PRDM16: variants seen among roughly 807,000 people sequenced by gnomAD.
The protein encoded by PRDM16 is histone-lysine N-methyltransferase PRDM16.
In PRDM16, 23 loss-of-function variants were observed where a neutral mutation model predicts 110.6. The observed-to-expected ratio is 0.21, with a 90% CI of 0.15 to 0.29. The LOEUF (loss-of-function observed/expected upper bound fraction) is 0.29. Among genes scored for constraint, PRDM16 ranks in the 10% least tolerant of loss-of-function variants. The pLI is 1.00. For missense variants in PRDM16, 1,615 were observed against 1,794.3 expected (o/e 0.90, Z 1.81); for synonymous variants, 799 against 781.8 (o/e 1.02, Z -0.37).
intron 3 of PRDM16, among the ~76,000 whole-genome samples, chr1:3,300,169 C>A (rs58289593): frequency 0.045 from 4,340 of 97,342 alleles, 467 homozygotes; most frequent in African/African-American, 0.13. Flanking sequence ...GTTTCAGATC[C>A]CAGTCGTGGT....
At chr1:3,355,824 C>T (rs1034805174) in intron 3 of PRDM16, among the ~76,000 whole-genome samples, 1 of 152,198 alleles carries the variant, frequency 6.6e-6, no homozygotes, top group Non-Finnish European at 1.5e-5. Flanking sequence ...GCTGCTGGCT[C>T]AGAGGCCAGT....
Position 3,209,046 on chromosome 1 carries a change from G to A in PRDM16, c.387+22572G>A, listed in dbSNP as rs1470818613. 1.3e-5 allele frequency among the ~76,000 whole-genome samples: 2 copies of A among 152,316 alleles called. No homozygotes were observed. The highest frequency in any genetic ancestry group is 4.8e-5 in the African/African-American group (2 of 41,574). On this transcript the variant is annotated intron_variant, in intron 2 of 16. Coordinates refer to ENST00000270722, the MANE Select transcript of PRDM16 (RefSeq NM_022114.4). This position sits in a 1 kb window ranked among gnomAD's most constrained non-coding sequence, Gnocchi z 4.6. ...GACTTAACTCTCAAGGGTATTTAGG[G>A]ACAGAGAGCAGTGGGAATTCAGAAG... is the stretch of plus-strand genomic sequence containing the variant.
intron 1 of PRDM16, chr1:3,133,333 G>A (rs903656761): frequency 1.3e-5 from 2 of 152,316 alleles, no homozygotes; most frequent in Admixed American, 6.5e-5. Flanking sequence ...GAGGCACCTC[G>A]GGGCTGTGGG....
At chr1:3,273,769 G>T (rs1165294014) in intron 3 of PRDM16, among the ~76,000 whole-genome samples, 2 of 151,260 alleles carry the variant, frequency 1.3e-5, no homozygotes, top group East Asian at 2.0e-4. Context: ...ATATATAAGG[G>T]TATATGCCTT....
At chr1:3,158,480 A>G (rs1362256391) in intron 1 of PRDM16, among the ~76,000 whole-genome samples, 1 of 152,202 alleles carries the variant, frequency 6.6e-6, no homozygotes, top group Non-Finnish European at 1.5e-5. Flanking sequence ...TCTCGCCTAT[A>G]CCTAAGTCAC....
chr1:3,431,605 G>A (rs1638770489), intron 15 of PRDM16, among the ~76,000 whole-genome samples: 1 of 151,822 alleles, frequency 6.6e-6, no homozygotes, highest in Non-Finnish European at 1.5e-5. Flanking sequence ...TTCCTCTCCA[G>A]CCTGGATGCT....
intron 8 of PRDM16, among the ~76,000 whole-genome samples, chr1:3,406,835 C>T (rs1450202032): frequency 6.6e-6 from 1 of 152,224 alleles, no homozygotes; most frequent in Admixed American, 6.5e-5. Flanking sequence ...CCCTGATTCT[C>T]AGTGAAGTCA....
chr1:3,272,056 T>C (rs973377291), intron 3 of PRDM16, among the ~76,000 whole-genome samples: 6 of 152,174 alleles, frequency 3.9e-5, no homozygotes, highest in Non-Finnish European at 5.9e-5. Flanking sequence ...CCCACATGGG[T>C]GTCAGGAGGA....
Position 3,244,418 on chromosome 1 carries a change from C to T in PRDM16, c.438+281C>T, listed in dbSNP as rs2100914052. On this transcript the variant is annotated intron_variant, in intron 3 of 16. Coordinates refer to ENST00000270722, the MANE Select transcript of PRDM16 (RefSeq NM_022114.4). The surrounding 1 kb of genome is among the most constrained non-coding windows in gnomAD (Gnocchi z 4.1). ...CCGAGAGTGGAGGAGAGCCCTGTAC[C>T]TGTGGGAAAGCTTCAGGCCACGCAG... is the stretch of plus-strand genomic sequence containing the variant. Among the ~76,000 whole-genome samples, 1 of 152,204 alleles carries T rather than the reference C, an allele frequency of 6.6e-6. No individual in the cohort carries two copies. The highest frequency in any genetic ancestry group is 6.5e-5 in the Admixed American group (1 of 15,302).
At chr1:3,230,298 G>T (rs1005176922) in intron 2 of PRDM16, among the ~76,000 whole-genome samples, 1 of 152,194 alleles carries the variant, frequency 6.6e-6, no homozygotes. Context: ...TAGGTCTCAC[G>T]GAGGCCTTTC....
intron 3 of PRDM16, among the ~76,000 whole-genome samples, chr1:3,286,017 C>T (rs541440321): frequency 6.6e-6 from 1 of 152,322 alleles, no homozygotes; most frequent in South Asian, 2.1e-4. Context: ...TGTGCTGAAC[C>T]TTCACCCCCA....
intron 3 of PRDM16, among the ~76,000 whole-genome samples, chr1:3,321,749 C>T (rs1230320713): frequency 6.8e-6 from 1 of 147,740 alleles, no homozygotes; most frequent in Non-Finnish European, 1.5e-5. Flanking sequence ...GTGCGGTGTG[C>T]ACAATGTGTG....
intron 1 of PRDM16, among the ~76,000 whole-genome samples, chr1:3,184,293 C>G (rs998647500): frequency 1.3e-5 from 2 of 152,174 alleles, no homozygotes; most frequent in Non-Finnish European, 2.9e-5. Context: ...TTGTGCTGAT[C>G]TGTTTGCAAC....
intron 2 of PRDM16, among the ~76,000 whole-genome samples, chr1:3,237,511 T>C (rs1385930239): frequency 2.0e-5 from 3 of 152,194 alleles, no homozygotes; most frequent in East Asian, 1.9e-4. Flanking sequence ...GACTAAATAC[T>C]GTTTCCGTAT....
chr1:3,236,957 G>A (rs1639553242), intron 2 of PRDM16, among the ~76,000 whole-genome samples: 1 of 152,194 alleles, frequency 6.6e-6, no homozygotes, highest in South Asian at 2.1e-4. Context: ...CTCTGTGTGA[G>A]GAGAGCTAGA....
chr1:3,106,493 C>T (rs1179768298), intron 1 of PRDM16, among the ~76,000 whole-genome samples: 3 of 152,142 alleles, frequency 2.0e-5, no homozygotes, highest in African/African-American at 7.2e-5. Flanking sequence ...TCACACACAG[C>T]GGGTACCTGA....
chr1:3,173,700 G>T (rs984624569), intron 1 of PRDM16, among the ~76,000 whole-genome samples: 22 of 152,252 alleles, frequency 1.4e-4, no homozygotes, highest in African/African-American at 5.1e-4. Context: ...CCTTGGCAGC[G>T]GATGTGCTTC....
In PRDM16 at chr1:3,331,326, A is replaced by T. The variant is rs376903095; in HGVS notation, c.439-53826A>T. ...CCCGGCACACTTGGAGGTGGGGGGC[A>T]TTCCTAGCAACCCCCTTCATCCCCG... On this transcript the variant is annotated intron_variant, in intron 3 of 16. Transcript: ENST00000270722. Among the ~76,000 whole-genome samples, 45 of 152,076 alleles carry T rather than the reference A, an allele frequency of 3.0e-4. 1 individual carries two copies. The South Asian group carries it at 4.2e-3, about 14-fold the overall frequency.
intron 1 of PRDM16, among the ~76,000 whole-genome samples, chr1:3,076,982 T>C (rs550912272): frequency 2.6e-5 from 4 of 152,186 alleles, no homozygotes; most frequent in Non-Finnish European, 5.9e-5. Flanking sequence ...TCAGAGGGGC[T>C]GGTCTGCATC....
Sources: allele counts gnomAD v4.1 joint callset (sites outside exome capture counted in the v4.1 genomes callset), GRCh38; gene constraint gnomAD v4.1.1; non-coding constraint Gnocchi (gnomAD v3.1); transcripts MANE v1.5; gene names NCBI Gene and HGNC (gene_info 2026-07-23, HGNC 2026-07-21).